GPHN: variants seen among roughly 807,000 people sequenced by gnomAD.
GPHN encodes the protein gephyrin.
A neutral mutation model predicts 95.5 loss-of-function variants in GPHN; 17 were observed. That is an observed-to-expected ratio of 0.18 (90% confidence interval 0.12 to 0.27). The LOEUF (loss-of-function observed/expected upper bound fraction) is 0.27, where lower values mean the gene tolerates loss of function less well. Ranked by LOEUF, GPHN falls within the 10% of genes least tolerant of loss-of-function variation. The probability of loss-of-function intolerance (pLI) is 1.00; values close to 1 mark genes in which losing one functional copy is unlikely to be tolerated. For missense variants in GPHN, 660 were observed against 978.1 expected, an observed-to-expected ratio of 0.67 and a Z score of 4.34; for synonymous variants, 320 against 322.5, an observed-to-expected ratio of 0.99 and a Z score of 0.08.
chr14:67,212,618 A>ATGTG, the GPHN span, among the ~76,000 whole-genome samples: 1 of 145,684 alleles, frequency 6.9e-6, no homozygotes, highest in African/African-American at 2.5e-5. Context: ...TATATATGTA[A>ATGTG]TATATATTAT....
chr14:66,769,182 A>G lies in GPHN; in HGVS notation c.144-7282A>G, dbSNP rs1008166550. On this transcript the variant is annotated intron_variant, in intron 2 of 22. Coordinates refer to ENST00000478722, the MANE Select transcript of GPHN (RefSeq NM_020806.5). ...GCTAGAGTACCTACAATAATTACCA[A>G]TCATCTATGAAATATACCAAATTTT... 7.2e-5 allele frequency among the ~76,000 whole-genome samples: 11 copies of G among 152,074 alleles called. No homozygotes were observed. The East Asian group carries it at 9.6e-4, about 13-fold the overall frequency.
At chr14:67,031,738 T>G (rs1338723230) in intron 10 of GPHN, among the ~76,000 whole-genome samples, 37 of 152,156 alleles carry the variant, frequency 2.4e-4, no homozygotes, top group Non-Finnish European at 4.0e-4. Context: ...CAAATATAAT[T>G]TTTTTATTTG....
the GPHN span, chr14:67,561,869 C>CAAA: frequency 2.5e-4 from 188 of 756,600 alleles, no homozygotes; most frequent in Admixed American, 1.6e-3. Flanking sequence ...GACCCTGTCT[C>CAAA]AAAAAAAAAA....
At chr14:66,576,521 C>T (rs572142894) in intron 1 of GPHN, among the ~76,000 whole-genome samples, 1 of 151,540 alleles carries the variant, frequency 6.6e-6, no homozygotes, top group African/African-American at 2.4e-5. Flanking sequence ...TATAATAATG[C>T]CAATAATATC....
At chr14:66,951,947 A>G (rs1294718928) in intron 8 of GPHN, among the ~76,000 whole-genome samples, 6 of 151,972 alleles carry the variant, frequency 3.9e-5, no homozygotes, top group East Asian at 3.9e-4. Context: ...GGAGGAAACT[A>G]TAAAGCTTTT....
At chr14:67,655,075 C>T in the GPHN span, among the ~76,000 whole-genome samples, 3 of 146,614 alleles carry the variant, frequency 2.0e-5, no homozygotes, top group African/African-American at 7.6e-5. Context: ...CACAGTGGCT[C>T]ATGCCTGTAA....
At chr14:66,609,096 TTG>T (rs1356380024) in intron 1 of GPHN, among the ~76,000 whole-genome samples, 2 of 152,162 alleles carry the variant, frequency 1.3e-5, no homozygotes, top group African/African-American at 4.8e-5. Flanking sequence ...ATATGCTTAA[TTG>T]TGTTTTTGTG....
chr14:67,734,181 C>T, the GPHN span: 1 of 311,046 alleles, frequency 3.2e-6, no homozygotes, highest in Non-Finnish European at 6.4e-6. Context: ...TCATCAGCAC[C>T]AGAGGCTCAG....
the GPHN span, among the ~76,000 whole-genome samples, chr14:67,556,618 C>T: frequency 3.8e-3 from 585 of 152,234 alleles, 1 homozygote; most frequent in African/African-American, 0.013. Context: ...CGGGGTGTGA[C>T]GGTATGCACC....
At chr14:67,608,963 C>T in the GPHN span, among the ~76,000 whole-genome samples, 3 of 152,144 alleles carry the variant, frequency 2.0e-5, no homozygotes, top group Admixed American at 6.5e-5. Context: ...GAAAGCAGTT[C>T]GACACTATCC....
intron 1 of GPHN, among the ~76,000 whole-genome samples, chr14:66,528,392 C>T (rs1257695064): frequency 1.3e-5 from 2 of 152,170 alleles, no homozygotes; most frequent in African/African-American, 4.8e-5. Flanking sequence ...ATACAGCACA[C>T]CAATGGGTCT....
intron 3 of GPHN, among the ~76,000 whole-genome samples, chr14:66,814,566 A>G (rs1303305101): frequency 6.6e-6 from 1 of 152,242 alleles, no homozygotes; most frequent in Non-Finnish European, 1.5e-5. Context: ...AAATGTTCCA[A>G]AAACAAGATT....
intron 4 of GPHN, among the ~76,000 whole-genome samples, chr14:66,840,624 C>T (rs1393014615): frequency 6.6e-6 from 1 of 151,286 alleles, no homozygotes; most frequent in African/African-American, 2.4e-5. Flanking sequence ...TTTATTACGG[C>T]CACTGAATTT....
At chr14:67,067,235 A>G (rs2076096842) in intron 11 of GPHN, among the ~76,000 whole-genome samples, 1 of 152,188 alleles carries the variant, frequency 6.6e-6, no homozygotes, top group Non-Finnish European at 1.5e-5. Flanking sequence ...CACTCCAGAC[A>G]CTGTTTCCTT....
chr14:67,533,580 C>T, the GPHN span: 1 of 152,176 alleles, frequency 6.6e-6, no homozygotes, highest in Admixed American at 6.5e-5. Flanking sequence ...CTTGGGAAGC[C>T]GGGCGCCCCA....
intron 3 of GPHN, among the ~76,000 whole-genome samples, chr14:66,809,592 A>G (rs11845926): frequency 0.18 from 27,951 of 152,088 alleles, 2,984 homozygotes; most frequent in Non-Finnish European, 0.25. Flanking sequence ...TTTTGGGGGA[A>G]TAACGACTAT....
intron 17 of GPHN, among the ~76,000 whole-genome samples, chr14:67,129,513 TTTTA>T (rs2079550892): frequency 6.6e-6 from 1 of 152,178 alleles, no homozygotes. Context: ...TGACTTTGAA[TTTTA>T]TTTCTCATAC....
chr14:66,983,259 T>A (rs915379192), intron 9 of GPHN, among the ~76,000 whole-genome samples: 10 of 151,894 alleles, frequency 6.6e-5, no homozygotes, highest in East Asian at 3.9e-4. Flanking sequence ...CTCAAAAAAA[T>A]AATAATAATA....
the GPHN span, among the ~76,000 whole-genome samples, chr14:67,215,540 G>T: frequency 6.6e-6 from 1 of 151,620 alleles, no homozygotes; most frequent in Non-Finnish European, 1.5e-5. Context: ...ACAGGAGAGA[G>T]TGAGAGTAAA....
Sources: allele counts gnomAD v4.1 joint callset (sites outside exome capture counted in the v4.1 genomes callset), GRCh38; gene constraint gnomAD v4.1.1; transcripts MANE v1.5; gene names NCBI Gene and HGNC (gene_info 2026-07-23, HGNC 2026-07-21).